PLA2G6: variants seen among roughly 807,000 people sequenced by gnomAD.
The protein encoded by PLA2G6 is 85/88 kDa calcium-independent phospholipase A2.
A neutral mutation model predicts 83.8 loss-of-function variants in PLA2G6; 62 were observed. That is an observed-to-expected ratio of 0.74 (90% CI 0.60 to 0.91). PLA2G6 has a LOEUF of 0.91. Ranked by LOEUF, PLA2G6 falls within the 40% of genes least tolerant of loss-of-function variation. The probability of loss-of-function intolerance (pLI) is 0.00; values close to 1 mark genes in which losing one functional copy is unlikely to be tolerated. For synonymous variants in PLA2G6, 417 were observed against 449.8 expected, an observed-to-expected ratio of 0.93 and a Z score of 0.92; for missense variants, 944 against 1,102.0, an observed-to-expected ratio of 0.86 and a Z score of 2.03.
intron 2 of PLA2G6, among the ~76,000 whole-genome samples, chr22:38,152,342 A>G (rs571331613): frequency 1.3e-5 from 2 of 152,174 alleles, no homozygotes; most frequent in African/African-American, 4.8e-5. Context: ...CTAGGATTAC[A>G]GGCATGCACC....
intron 5 of PLA2G6, chr22:38,137,323 C>G (rs16998755): frequency 0.021 from 3,152 of 152,572 alleles, 102 homozygotes; most frequent in African/African-American, 0.072. Flanking sequence ...CGGCTAGTGT[C>G]CATGGCTTGG....
At chr22:38,167,003 C>T (rs867177749) in intron 2 of PLA2G6, among the ~76,000 whole-genome samples, 10 of 151,886 alleles carry the variant, frequency 6.6e-5, no homozygotes, top group East Asian at 1.9e-4. Flanking sequence ...CCGAGGCAGG[C>T]GGATCACGAG....
intron 1 of PLA2G6, among the ~76,000 whole-genome samples, chr22:38,171,015 A>T (rs1323666850): frequency 6.6e-6 from 1 of 152,086 alleles, no homozygotes; most frequent in Admixed American, 6.6e-5. Context: ...TACTAAAAAT[A>T]CAAAAAATTA....
At chr22:38,118,297 AGGT>A (rs2087328079) in intron 12 of PLA2G6, among the ~76,000 whole-genome samples, 1 of 152,198 alleles carries the variant, frequency 6.6e-6, no homozygotes, top group South Asian at 2.1e-4. Context: ...TGTTTGAATC[AGGT>A]GGCCATCTAT....
At chr22:38,153,452 C>T (rs1264000830) in intron 2 of PLA2G6, among the ~76,000 whole-genome samples, 3 of 151,872 alleles carry the variant, frequency 2.0e-5, no homozygotes, top group Admixed American at 6.6e-5. Flanking sequence ...TTTGCATTTT[C>T]GACATTAAAG....
intron 5 of PLA2G6, chr22:38,137,273 C>G (rs555713527): frequency 1.3e-5 from 2 of 152,366 alleles, no homozygotes; most frequent in Non-Finnish European, 2.9e-5. Context: ...TTCCCTGGGC[C>G]CTCTGGAGCC....
At chr22:38,172,971 G>A (rs2090495013) in intron 1 of PLA2G6, among the ~76,000 whole-genome samples, 3 of 152,230 alleles carry the variant, frequency 2.0e-5, no homozygotes, top group Admixed American at 1.3e-4. Context: ...TGGAGGGAAG[G>A]TGTCTGGGAC....
chr22:38,152,759 G>A (rs1392312925), intron 2 of PLA2G6, among the ~76,000 whole-genome samples: 1 of 152,152 alleles, frequency 6.6e-6, no homozygotes, highest in East Asian at 1.9e-4. Flanking sequence ...AGAGACTCTT[G>A]GAGAACGATC....
intron 4 of PLA2G6, chr22:38,142,750 A>T (rs916792636): frequency 5.3e-6 from 2 of 375,920 alleles, no homozygotes; most frequent in South Asian, 2.2e-5. Context: ...GGTTAAGCCC[A>T]GGTCCCGCTG....
In PLA2G6 at chr22:38,132,881, C is replaced by T. The variant is rs11570680; in HGVS notation, c.1027G>A (p.Ala343Thr). ...AIVLLTHGAN[A>T]DARGEHGNTP... Reference sequence around the variant, plus strand: ...TTGCCGTGCTCTCCGCGGGCATCCGCGTTGGCCCCGTGGGTCAGCAGCACT... The same window carrying T: ...TTGCCGTGCTCTCCGCGGGCATCCGTGTTGGCCCCGTGGGTCAGCAGCACT... The change falls in exon 7 of 17, where the codon GCG (alanine) becomes ACG (threonine). Residue 343 changes from alanine (A) to threonine (T), a missense_variant. Physicochemically the swap from Ala to Thr is moderately conservative, Grantham distance 58. Coordinates refer to ENST00000332509, the MANE Select transcript of PLA2G6 (RefSeq NM_003560.4). This position sits in a 1 kb window ranked among gnomAD's most constrained non-coding sequence, Gnocchi z 5.0. 0.012 allele frequency: 18,396 copies of T among 1,553,716 alleles called. 142 individuals carry two copies. The highest frequency in any genetic ancestry group is 0.029 in the Middle Eastern group (166 of 5,822).
intron 1 of PLA2G6, among the ~76,000 whole-genome samples, chr22:38,180,023 A>G (rs1242707471): frequency 6.6e-6 from 1 of 152,068 alleles, no homozygotes; most frequent in Non-Finnish European, 1.5e-5. Flanking sequence ...GACACAGAAC[A>G]TATTCTCCCA....
In PLA2G6 at chr22:38,112,565, C is replaced by G. The variant is rs587784349; in HGVS notation, c.2215G>C (p.Asp739His). ...CGTGCCCGGTCCACAGCCCGCCCGT[C>G]TGGATCCGTGCACTGGTGAGAAGCA... Reference protein sequence around the residue: ...KMVVDCCTDPDGRAVDRARAW... With the variant: ...KMVVDCCTDPHGRAVDRARAW... Residue 739 changes from aspartate to histidine, a missense_variant, in exon 16 of 17, where the codon GAC (aspartate) becomes CAC (histidine). Coordinates refer to ENST00000332509, the MANE Select transcript of PLA2G6 (RefSeq NM_003560.4). 3.7e-5 allele frequency: 57 copies of G among 1,552,372 alleles called. No homozygotes were observed. The highest frequency in any genetic ancestry group is 4.7e-5 in the Non-Finnish European group (54 of 1,148,898).
At position 38,128,487 on chromosome 22, in the gene PLA2G6, C is replaced by A. The variant is rs913073648; in HGVS notation, c.1187-57G>T. ...CAGGATCAGAAATGATGTCAACATG[C>A]AAAGGAGAGGCCCCTCCTTTCCACA... On this transcript the variant is annotated intron_variant, in intron 8 of 16. Coordinates refer to ENST00000332509, the MANE Select transcript of PLA2G6 (RefSeq NM_003560.4). This position sits in a 1 kb window ranked among gnomAD's most constrained non-coding sequence, Gnocchi z 4.4. The A allele has an allele frequency of 1.2e-5, 19 of 1,575,176 alleles. No individual in the cohort carries two copies. The Admixed American group carries it at 3.2e-4, about 27-fold the overall frequency.
intron 6 of PLA2G6, 67 bp downstream of exon 6, chr22:38,134,921 C>G: frequency 8.5e-7 from 1 of 1,181,714 alleles, no homozygotes; most frequent in Non-Finnish European, 1.2e-6. Flanking sequence ...AACCTGCTTC[C>G]TGAGGGCCCT....
At chr22:38,112,827 G>C (rs1569239912) in intron 15 of PLA2G6, 1 of 591,248 alleles carries the variant, frequency 1.7e-6, no homozygotes, top group Admixed American at 2.9e-5. Context: ...GTGGGGGAAA[G>C]GGTAGCGGCT....
At chr22:38,172,578 A>G (rs905515448) in intron 1 of PLA2G6, among the ~76,000 whole-genome samples, 1 of 152,194 alleles carries the variant, frequency 6.6e-6, no homozygotes, top group African/African-American at 2.4e-5. Flanking sequence ...TTTTCAAAGG[A>G]AGTAGCAGTA....
At chr22:38,140,363 C>G in intron 4 of PLA2G6, 194 bp from the exon 5 acceptor site, 1 of 567,206 alleles carries the variant, frequency 1.8e-6, no homozygotes, top group South Asian at 1.9e-5. Context: ...CAAAAATTAG[C>G]CGGGCATGGT....
At position 38,132,461 on chromosome 22, in the gene PLA2G6, T is replaced by A. The variant is rs2088276852; in HGVS notation, c.1077+370A>T. 5.5e-6 allele frequency: 2 copies of A among 362,980 alleles called. No homozygotes were observed. The highest frequency in any genetic ancestry group is 1.3e-4 in the East Asian group (2 of 15,758). The allele number at this position is 362,980 out of a possible 1,614,324, so 22.5% of individuals were successfully genotyped here. ...GTCCACCATAACTTTTCCACAACTC[T>A]TCCAGATAAGTATTGACACCACCAT... On this transcript the variant is annotated intron_variant, in intron 7 of 16. Coordinates refer to ENST00000332509, the MANE Select transcript of PLA2G6 (RefSeq NM_003560.4). The surrounding 1 kb of genome is among the most constrained non-coding windows in gnomAD (Gnocchi z 5.0).
Position 38,128,011 on chromosome 22 carries a change from G to A in PLA2G6, c.1348+258C>T. ...CAGCAGCCACCTCATGGGTGCCACT[G>A]GAAATGCCCAGGCCTGAGACTGTGT... On this transcript the variant is annotated intron_variant, in intron 9 of 16. Coordinates refer to ENST00000332509, the MANE Select transcript of PLA2G6 (RefSeq NM_003560.4). This position sits in a 1 kb window ranked among gnomAD's most constrained non-coding sequence, Gnocchi z 4.4. 1.9e-6 allele frequency: 1 copy of A among 530,450 alleles called. No homozygotes were observed. The highest frequency in any genetic ancestry group is 3.4e-6 in the Non-Finnish European group (1 of 294,836). The allele number at this position is 530,450 out of a possible 1,614,324, so 32.9% of individuals were successfully genotyped here. A position where few individuals can be genotyped will look rare whatever the true frequency, so the allele number is the denominator to read the frequency against.
Sources: gnomAD v4.1 joint callset for allele counts (sites outside exome capture counted in the v4.1 genomes callset) on GRCh38, gnomAD v4.1.1 for gene constraint, Gnocchi (gnomAD v3.1) non-coding constraint, MANE v1.5 for transcripts, NCBI Gene and HGNC (gene_info 2026-07-23, HGNC 2026-07-21) for gene names.